SMIM35: variants seen among roughly 807,000 people sequenced by gnomAD.
The protein encoded by SMIM35 is small integral membrane protein 35.
chr11:118,050,507 G>T lies in SMIM35; in HGVS notation c.8-34698C>A, dbSNP rs564999498. On this transcript the variant is annotated intron_variant, in intron 1 of 4. Transcript: ENST00000689828. ...CATCTGGAGACCCAAGGCAGCTTTGGTTCTCCGTTTATCCCCACCAGACCT... is the reference window on the plus strand; with the variant it reads ...CATCTGGAGACCCAAGGCAGCTTTGTTTCTCCGTTTATCCCCACCAGACCT... Among the ~76,000 whole-genome samples the T allele has an allele frequency of 1.1e-4, 16 of 152,324 alleles. No homozygotes were observed. The South Asian group carries it at 3.3e-3, about 32-fold the overall frequency.
chr11:118,084,082 AG>A (rs1945359426), intron 1 of SMIM35, among the ~76,000 whole-genome samples: 1 of 152,190 alleles, frequency 6.6e-6, no homozygotes, highest in Non-Finnish European at 1.5e-5. Flanking sequence ...ACCGTGCACC[AG>A]GCAATGTACT....
chr11:118,043,838 A>T (rs1409709203), intron 1 of SMIM35, among the ~76,000 whole-genome samples: 1 of 140,400 alleles, frequency 7.1e-6, no homozygotes, highest in Non-Finnish European at 1.5e-5. Flanking sequence ...AAAGTAGGTT[A>T]TGGGGGGGCC....
At chr11:118,077,438 C>T (rs1944741941) in intron 1 of SMIM35, 1 of 1,071,444 alleles carries the variant, frequency 9.3e-7, no homozygotes, top group East Asian at 2.8e-5. Context: ...AGGCCACACC[C>T]AAATCCCCTC....
chr11:118,007,457 G>A (rs1364883088), intron 4 of SMIM35, among the ~76,000 whole-genome samples: 1 of 151,926 alleles, frequency 6.6e-6, no homozygotes, highest in East Asian at 1.9e-4. Flanking sequence ...GTGCAGTGGT[G>A]CAATCTTGGC....
intron 1 of SMIM35, among the ~76,000 whole-genome samples, chr11:118,044,699 A>G (rs148271520): frequency 5.4e-5 from 8 of 147,578 alleles, no homozygotes; most frequent in African/African-American, 1.7e-4. Flanking sequence ...GCTTGAACCC[A>G]TGAGGCAGAG....
chr11:118,013,259 G>A (rs2058159566), intron 4 of SMIM35, among the ~76,000 whole-genome samples: 1 of 152,180 alleles, frequency 6.6e-6, no homozygotes, highest in Non-Finnish European at 1.5e-5. Context: ...AGAGAGAAAT[G>A]GTTTGAATGG....
At chr11:118,020,167 A>G (rs1477146579) in intron 1 of SMIM35, among the ~76,000 whole-genome samples, 1 of 152,120 alleles carries the variant, frequency 6.6e-6, no homozygotes, top group African/African-American at 2.4e-5. Context: ...TCAGGAGGCT[A>G]AGGCAGGAGA....
intron 1 of SMIM35, among the ~76,000 whole-genome samples, chr11:118,019,445 G>A (rs1358146724): frequency 6.6e-6 from 1 of 152,136 alleles, no homozygotes; most frequent in Non-Finnish European, 1.5e-5. Flanking sequence ...TTTAAGTTCA[G>A]GGAAGCCCAG....
At chr11:118,077,985 C>A (rs1944798168) in intron 1 of SMIM35, among the ~76,000 whole-genome samples, 1 of 126,402 alleles carries the variant, frequency 7.9e-6, no homozygotes, top group African/African-American at 3.1e-5. Context: ...TGCACTCCAA[C>A]CTGGGCAACA....
At chr11:118,019,280 G>A (rs1290327328) in intron 1 of SMIM35, among the ~76,000 whole-genome samples, 1 of 152,046 alleles carries the variant, frequency 6.6e-6, no homozygotes, top group Non-Finnish European at 1.5e-5. Context: ...TAAAACAATG[G>A]GCAAAGGTAG....
intron 1 of SMIM35, among the ~76,000 whole-genome samples, chr11:118,084,161 C>T (rs891326004): frequency 1.3e-5 from 2 of 152,160 alleles, no homozygotes; most frequent in African/African-American, 4.8e-5. Context: ...CTCTCTCCCT[C>T]TTTTTCACAC....
intron 1 of SMIM35, among the ~76,000 whole-genome samples, chr11:118,049,518 T>C (rs1487890417): frequency 6.6e-6 from 1 of 151,588 alleles, no homozygotes; most frequent in Non-Finnish European, 1.5e-5. Context: ...CCGGCTAATT[T>C]TTGTATTTTT....
chr11:118,074,748 GA>G (rs55685115), intron 1 of SMIM35, among the ~76,000 whole-genome samples: 62,160 of 135,336 alleles, frequency 0.46, 14,208 homozygotes, highest in African/African-American at 0.53. Flanking sequence ...CCCTGTCTCA[GA>G]AAAAAAAAAA....
intron 1 of SMIM35, chr11:118,025,776 T>G (rs1223236898): frequency 2.2e-6 from 1 of 448,758 alleles, no homozygotes; most frequent in African/African-American, 2.0e-5. Flanking sequence ...TCTTTTGCTG[T>G]GCAGAAGCCC....
chr11:118,072,187 G>A (rs148820386), intron 1 of SMIM35, among the ~76,000 whole-genome samples: 61 of 152,256 alleles, frequency 4.0e-4, no homozygotes, highest in Non-Finnish European at 6.9e-4. Flanking sequence ...GAGATCAAAT[G>A]CACAATCAGA....
At chr11:118,011,389 T>C (rs1329956238) in intron 4 of SMIM35, among the ~76,000 whole-genome samples, 2 of 152,014 alleles carry the variant, frequency 1.3e-5, no homozygotes, top group African/African-American at 2.4e-5. Flanking sequence ...AGGGTGCGGG[T>C]ACAGAGTTTT....
intron 1 of SMIM35, among the ~76,000 whole-genome samples, chr11:118,086,006 G>A (rs371837783): frequency 6.6e-6 from 1 of 152,216 alleles, no homozygotes; most frequent in African/African-American, 2.4e-5. Flanking sequence ...GCAGTAAACA[G>A]CAGCATCACC....
At chr11:118,058,773 G>C (rs1037621973) in intron 1 of SMIM35, among the ~76,000 whole-genome samples, 4 of 152,046 alleles carry the variant, frequency 2.6e-5, no homozygotes, top group African/African-American at 7.2e-5. Flanking sequence ...CCAGCTCGGG[G>C]GGCCTGGGGA....
chr11:118,076,838 G>T (rs928618478), intron 1 of SMIM35, among the ~76,000 whole-genome samples: 6 of 152,122 alleles, frequency 3.9e-5, no homozygotes, highest in African/African-American at 1.2e-4. Flanking sequence ...GGGGAGGGGG[G>T]GCGGAAACTT....
Sources: allele counts gnomAD v4.1 joint callset (sites outside exome capture counted in the v4.1 genomes callset), GRCh38; gene constraint gnomAD v4.1.1; transcripts MANE v1.5; gene names NCBI Gene and HGNC (gene_info 2026-07-23, HGNC 2026-07-21).